Variants in THSD4 observed in about 807,000 individuals in gnomAD.
THSD4 encodes thrombospondin type-1 domain-containing protein 4.
In THSD4, 69 loss-of-function variants were observed where a neutral mutation model predicts 119.0. The ratio of observed to expected loss-of-function variants is 0.58; its 90% CI spans 0.48 to 0.71. The LOEUF is 0.71. Among genes scored for constraint, THSD4 ranks in the 30% least tolerant of loss-of-function variants. The probability of loss-of-function intolerance (pLI) is 0.00; values close to 1 mark genes in which losing one functional copy is unlikely to be tolerated. For synonymous variants in THSD4, 524 were observed against 540.4 expected (o/e 0.97, Z 0.42); for missense variants, 1,393 against 1,391.1 (o/e 1.00, Z -0.02).
intron 15 of THSD4, among the ~76,000 whole-genome samples, chr15:71,760,615 A>T (rs1263295725): frequency 6.6e-6 from 1 of 152,140 alleles, no homozygotes; most frequent in Non-Finnish European, 1.5e-5. Context: ...AGTTCCGGGG[A>T]GATCTGTCAC....
At chr15:71,148,759 C>T (rs2040690247) in intron 2 of THSD4, among the ~76,000 whole-genome samples, 1 of 152,124 alleles carries the variant, frequency 6.6e-6, no homozygotes, top group Admixed American at 6.5e-5. Flanking sequence ...TGTGTTGTGT[C>T]CTAATGAGGC....
chr15:71,614,185 C>T (rs2050282393), intron 7 of THSD4, among the ~76,000 whole-genome samples: 1 of 152,200 alleles, frequency 6.6e-6, no homozygotes, highest in Non-Finnish European at 1.5e-5. Flanking sequence ...GAAGTAAGTA[C>T]AGAGAAGAGT....
At chr15:71,139,155 G>A (rs954927121) in intron 1 of THSD4, among the ~76,000 whole-genome samples, 6 of 152,028 alleles carry the variant, frequency 3.9e-5, no homozygotes, top group African/African-American at 1.5e-4. Context: ...CATCTACCTT[G>A]CTTATGCCAG....
intron 6 of THSD4, among the ~76,000 whole-genome samples, chr15:71,389,252 G>A (rs2046337687): frequency 1.3e-5 from 2 of 152,008 alleles, no homozygotes; most frequent in African/African-American, 2.4e-5. Context: ...CTTCCAAAAT[G>A]AAAACTCCAT....
chr15:71,265,422 C>A (rs2044452614), intron 6 of THSD4, among the ~76,000 whole-genome samples: 1 of 152,082 alleles, frequency 6.6e-6, no homozygotes, highest in Non-Finnish European at 1.5e-5. Flanking sequence ...GCACTCTAGC[C>A]CAGATACTAC....
At chr15:71,218,862 G>A (rs982835241) in intron 4 of THSD4, among the ~76,000 whole-genome samples, 2 of 152,168 alleles carry the variant, frequency 1.3e-5, no homozygotes, top group African/African-American at 4.8e-5. Flanking sequence ...ATTGGAGTCA[G>A]ATAACAAATG....
intron 8 of THSD4, among the ~76,000 whole-genome samples, chr15:71,724,253 G>C (rs1384974425): frequency 1.8e-4 from 17 of 93,992 alleles, no homozygotes; most frequent in Non-Finnish European, 3.2e-4. Flanking sequence ...GGGGGAGGAG[G>C]CCTCTATGAT....
At chr15:71,458,440 T>C (rs2047370056) in intron 7 of THSD4, among the ~76,000 whole-genome samples, 1 of 152,166 alleles carries the variant, frequency 6.6e-6, no homozygotes, top group African/African-American at 2.4e-5. Context: ...TCTCTAGAAT[T>C]AGGATAATAA....
chr15:71,264,915 T>C (rs1247056125), intron 6 of THSD4, among the ~76,000 whole-genome samples: 1 of 152,116 alleles, frequency 6.6e-6, no homozygotes, highest in African/African-American at 2.4e-5. Context: ...TTTATGTCTG[T>C]CTAAAATTCA....
chr15:71,228,148 T>A (rs2044033035), intron 4 of THSD4, among the ~76,000 whole-genome samples: 1 of 152,070 alleles, frequency 6.6e-6, no homozygotes, highest in Non-Finnish European at 1.5e-5. Flanking sequence ...TATTCTGGAT[T>A]ATTCAGGTGA....
chr15:71,703,670 C>T (rs2052337139), intron 8 of THSD4, among the ~76,000 whole-genome samples: 2 of 152,176 alleles, frequency 1.3e-5, no homozygotes, highest in African/African-American at 4.8e-5. Flanking sequence ...GGCTCAGCTG[C>T]AGGCCTAAGG....
intron 7 of THSD4, among the ~76,000 whole-genome samples, chr15:71,630,409 G>C (rs1288432991): frequency 6.6e-6 from 1 of 152,164 alleles, no homozygotes; most frequent in Non-Finnish European, 1.5e-5. Context: ...CAGTACATCA[G>C]CCAAAACATT....
At chr15:71,446,660 G>A (rs2047185610) in intron 7 of THSD4, among the ~76,000 whole-genome samples, 1 of 152,136 alleles carries the variant, frequency 6.6e-6, no homozygotes, top group South Asian at 2.1e-4. Context: ...GGTGTCTGGT[G>A]GTTCTAGGGC....
At chr15:71,255,001 C>T (rs556610292) in intron 5 of THSD4, among the ~76,000 whole-genome samples, 7 of 152,182 alleles carry the variant, frequency 4.6e-5, no homozygotes, top group Admixed American at 6.5e-5. Context: ...TCCCCAACTG[C>T]GACTGTCCTT....
intron 3 of THSD4, chr15:71,164,960 TCCTTCAGCTTCGCAG>T: frequency 6.3e-7 from 1 of 1,597,146 alleles, no homozygotes; most frequent in Non-Finnish European, 8.5e-7. Context: ...TTCGTATTTT[TCCTTCAGCTTCGCAG>T]CCTTCTTTTC....
intron 1 of THSD4, among the ~76,000 whole-genome samples, chr15:71,131,451 C>A (rs2040503410): frequency 6.9e-6 from 1 of 144,630 alleles, no homozygotes. Context: ...GCGAGTCTCA[C>A]AGAGCGAGAC....
rs77026213 is a variant in THSD4, at chr15:71,366,900, T to C, written c.1016-44787T>C. Among the ~76,000 whole-genome samples, 601 of 152,268 alleles carry C rather than the reference T, an allele frequency of 3.9e-3. 5 individuals carry two copies. Among genetic ancestry groups the C allele is most frequent in the Admixed American group, 7.3e-3 (111 of 15,284 alleles). On this transcript the variant is annotated intron_variant, in intron 6 of 17. Coordinates refer to ENST00000261862, the MANE Select transcript of THSD4 (RefSeq NM_024817.3). ...TAATGGTCTCAGTGAAGCGCCCTTC[T>C]CATACTGTGAAGGAGAGGACCCTGA...
chr15:71,597,719 A>C (rs2049931225), intron 7 of THSD4, among the ~76,000 whole-genome samples: 1 of 152,174 alleles, frequency 6.6e-6, no homozygotes, highest in Non-Finnish European at 1.5e-5. Context: ...ACGAATTTTT[A>C]ACAAGCTCGA....
intron 8 of THSD4, among the ~76,000 whole-genome samples, chr15:71,696,452 C>T (rs538126557): frequency 1.3e-5 from 2 of 152,172 alleles, no homozygotes; most frequent in African/African-American, 4.8e-5. Context: ...GGATCCACCC[C>T]CAATGACCCA....
Sources: allele counts gnomAD v4.1 joint callset (sites outside exome capture counted in the v4.1 genomes callset), GRCh38; gene constraint gnomAD v4.1.1; transcripts MANE v1.5; gene names NCBI Gene and HGNC (gene_info 2026-07-23, HGNC 2026-07-21).